The following ST6GALNAC3 variants were observed in gnomAD, a reference collection of about 807,000 sequenced individuals.
ST6GALNAC3 encodes the protein ST6 N-acetylgalactosaminide alpha-2,6-sialyltransferase 3.
In ST6GALNAC3, 25 loss-of-function variants were observed where a neutral mutation model predicts 32.7. The observed-to-expected ratio is 0.76, with a 90% confidence interval of 0.56 to 1.07. The LOEUF is 1.07. Ranked by LOEUF, ST6GALNAC3 falls within the 50% of genes least tolerant of loss-of-function variation. The pLI, the probability that ST6GALNAC3 is intolerant of heterozygous loss-of-function variation, is 0.00. For missense variants in ST6GALNAC3, 355 were observed against 382.4 expected, an observed-to-expected ratio of 0.93 and a Z score of 0.60; for synonymous variants, 129 against 133.1, an observed-to-expected ratio of 0.97 and a Z score of 0.21.
At chr1:76,494,848 C>T (rs530874181) in intron 3 of ST6GALNAC3, among the ~76,000 whole-genome samples, 1 of 151,904 alleles carries the variant, frequency 6.6e-6, no homozygotes, top group South Asian at 2.1e-4. Context: ...TTGAAGTCAG[C>T]AAGTAGGAAA....
At chr1:76,212,083 G>C (rs1655199705) in intron 1 of ST6GALNAC3, among the ~76,000 whole-genome samples, 1 of 152,250 alleles carries the variant, frequency 6.6e-6, no homozygotes, top group South Asian at 2.1e-4. Context: ...ATATCCAGTA[G>C]ATATTAGAAC....
At chr1:76,477,751 A>T (rs1024398935) in intron 3 of ST6GALNAC3, among the ~76,000 whole-genome samples, 8 of 152,136 alleles carry the variant, frequency 5.3e-5, no homozygotes, top group African/African-American at 1.9e-4. Flanking sequence ...GCCTCCTCTC[A>T]CCAATTCATT....
chr1:76,228,049 G>T (rs1656173439), intron 1 of ST6GALNAC3, among the ~76,000 whole-genome samples: 1 of 152,200 alleles, frequency 6.6e-6, no homozygotes, highest in Non-Finnish European at 1.5e-5. Context: ...ATCAGCTACA[G>T]TTGGCTTCAG....
At chr1:76,237,326 G>C (rs1490314715) in intron 1 of ST6GALNAC3, among the ~76,000 whole-genome samples, 1 of 152,178 alleles carries the variant, frequency 6.6e-6, no homozygotes, top group African/African-American at 2.4e-5. Context: ...TAAAGGCAGT[G>C]TTTCACTGGG....
chr1:76,323,752 C>T (rs529446519), intron 2 of ST6GALNAC3, among the ~76,000 whole-genome samples: 68 of 152,252 alleles, frequency 4.5e-4, no homozygotes, highest in Middle Eastern at 3.4e-3. Flanking sequence ...GGAGATAATA[C>T]TTCAAAATAT....
intron 2 of ST6GALNAC3, among the ~76,000 whole-genome samples, chr1:76,365,959 A>T (rs1453640611): frequency 6.6e-6 from 1 of 152,286 alleles, no homozygotes; most frequent in East Asian, 1.9e-4. Context: ...TTGGCAATTC[A>T]TATGTGTTAG....
intron 3 of ST6GALNAC3, among the ~76,000 whole-genome samples, chr1:76,610,905 C>A (rs1647884183): frequency 6.6e-6 from 1 of 152,196 alleles, no homozygotes; most frequent in African/African-American, 2.4e-5. Context: ...ATTCCAGCCT[C>A]ATAGCAGGCG....
chr1:76,156,025 C>A (rs1005374871), intron 1 of ST6GALNAC3, among the ~76,000 whole-genome samples: 15 of 152,242 alleles, frequency 9.9e-5, no homozygotes, highest in African/African-American at 3.1e-4. Flanking sequence ...AGACTTTAAA[C>A]TTGTTTTTAA....
At chr1:76,315,252 C>A (rs987166913) in intron 2 of ST6GALNAC3, among the ~76,000 whole-genome samples, 1 of 151,960 alleles carries the variant, frequency 6.6e-6, no homozygotes, top group South Asian at 2.1e-4. Flanking sequence ...GTTTGTCTCA[C>A]CCTCATCTTT....
chr1:76,145,111 A>G (rs1650593924), intron 1 of ST6GALNAC3, among the ~76,000 whole-genome samples: 1 of 152,214 alleles, frequency 6.6e-6, no homozygotes. Flanking sequence ...AGCTGCTCAG[A>G]GTAGAGAGCC....
At chr1:76,165,423 T>G (rs1384899882) in intron 1 of ST6GALNAC3, among the ~76,000 whole-genome samples, 1 of 150,010 alleles carries the variant, frequency 6.7e-6, no homozygotes, top group Non-Finnish European at 1.5e-5. Context: ...CTATCATTGA[T>G]GAGCATTTAG....
At chr1:76,223,417 G>A (rs1352798006) in intron 1 of ST6GALNAC3, among the ~76,000 whole-genome samples, 1 of 152,128 alleles carries the variant, frequency 6.6e-6, no homozygotes, top group African/African-American at 2.4e-5. Context: ...GAAGGTGGGA[G>A]GAGAGAGAGG....
intron 3 of ST6GALNAC3, among the ~76,000 whole-genome samples, chr1:76,529,547 A>G (rs1557533876): frequency 6.6e-6 from 1 of 152,122 alleles, no homozygotes; most frequent in Admixed American, 6.5e-5. Context: ...AATGATATTC[A>G]TACACTCAAA....
intron 1 of ST6GALNAC3, among the ~76,000 whole-genome samples, chr1:76,288,231 A>G (rs777702503): frequency 6.6e-6 from 1 of 152,220 alleles, no homozygotes; most frequent in African/African-American, 2.4e-5. Flanking sequence ...TGGTGCTGAA[A>G]TGATTATTGT....
intron 1 of ST6GALNAC3, among the ~76,000 whole-genome samples, chr1:76,113,963 T>A (rs966521232): frequency 6.6e-6 from 1 of 151,600 alleles, no homozygotes; most frequent in African/African-American, 2.4e-5. Flanking sequence ...TAGCTGGGAT[T>A]ACAGGCGCCT....
chr1:76,537,397 C>A (rs315075), intron 3 of ST6GALNAC3, among the ~76,000 whole-genome samples: 27,705 of 151,912 alleles, frequency 0.18, 4,107 homozygotes, highest in African/African-American at 0.41. Flanking sequence ...TGACACCCTA[C>A]CATCACAATT....
chr1:76,491,886 T>C (rs1411339880), intron 3 of ST6GALNAC3, among the ~76,000 whole-genome samples: 1 of 152,236 alleles, frequency 6.6e-6, no homozygotes, highest in Non-Finnish European at 1.5e-5. Flanking sequence ...GCCATGTAAT[T>C]AGTTTTTGTT....
intron 3 of ST6GALNAC3, among the ~76,000 whole-genome samples, chr1:76,518,862 C>G (rs1045446630): frequency 6.6e-6 from 1 of 151,970 alleles, no homozygotes; most frequent in Non-Finnish European, 1.5e-5. Flanking sequence ...GTCAGAAGTT[C>G]AAGACCAGCC....
chr1:76,550,287 G>C (rs1036007518), intron 3 of ST6GALNAC3, among the ~76,000 whole-genome samples: 4 of 152,028 alleles, frequency 2.6e-5, no homozygotes, highest in Non-Finnish European at 4.4e-5. Flanking sequence ...ACTTATAAAA[G>C]CTTTACAGTT....
Sources: gnomAD v4.1 joint callset for allele counts (sites outside exome capture counted in the v4.1 genomes callset) on GRCh38, gnomAD v4.1.1 for gene constraint, MANE v1.5 for transcripts, NCBI Gene and HGNC (gene_info 2026-07-23, HGNC 2026-07-21) for gene names.